Variants in MAGI1 observed in about 807,000 individuals in gnomAD.
The protein encoded by MAGI1 is membrane-associated guanylate kinase, WW and PDZ domain-containing protein 1.
A neutral mutation model predicts 139.9 loss-of-function variants in MAGI1; 58 were observed. That is an observed-to-expected ratio of 0.41 (90% CI 0.34 to 0.52). MAGI1 has a LOEUF of 0.52. Among genes scored for constraint, MAGI1 ranks in the 20% least tolerant of loss-of-function variants. The pLI, the probability that MAGI1 is intolerant of heterozygous loss-of-function variation, is 0.12. For missense variants in MAGI1, 1,874 were observed against 1,901.6 expected (o/e 0.99, Z 0.27); for synonymous variants, 812 against 737.9 (o/e 1.10, Z -1.63).
At chr3:65,976,707 T>C (rs2065284561) in intron 1 of MAGI1, among the ~76,000 whole-genome samples, 1 of 152,212 alleles carries the variant, frequency 6.6e-6, no homozygotes, top group Non-Finnish European at 1.5e-5. Flanking sequence ...GTTCTGGAGT[T>C]AATTACCCTC....
rs184112846 is a variant in MAGI1, at chr3:65,353,637, A to G, written c.*2741T>C. Reference sequence around the variant, plus strand: ...TTAGGGTGTTGAGTCCTCCCCCCCAACATTCTTTCAGGCATCAACTGTGTA... The same window carrying G: ...TTAGGGTGTTGAGTCCTCCCCCCCAGCATTCTTTCAGGCATCAACTGTGTA... On this transcript the variant is annotated 3_prime_UTR_variant, in exon 23 of 23. Transcript: ENST00000402939. 7.5e-4 allele frequency: 114 copies of G among 152,316 alleles called. No individual in the cohort carries two copies. The highest frequency in any genetic ancestry group is 2.7e-3 in the African/African-American group (113 of 41,568). 9.4% of individuals were successfully genotyped at this position (152,316 alleles called of 1,614,324 possible). A position where few individuals can be genotyped will look rare whatever the true frequency, so the allele number is the denominator to read the frequency against.
intron 1 of MAGI1, among the ~76,000 whole-genome samples, chr3:65,674,136 T>C (rs7617880): frequency 0.063 from 9,600 of 152,208 alleles, 1,049 homozygotes; most frequent in African/African-American, 0.22. Flanking sequence ...TGTTCAAGAA[T>C]GCAACAGGAG....
chr3:66,018,792 A>C (rs2067807745), intron 1 of MAGI1, among the ~76,000 whole-genome samples: 1 of 152,120 alleles, frequency 6.6e-6, no homozygotes, highest in Admixed American at 6.6e-5. Context: ...CTTACCTCCC[A>C]TCCTCCTCTT....
intron 18 of MAGI1, among the ~76,000 whole-genome samples, chr3:65,367,179 C>T (rs1941506859): frequency 6.6e-6 from 1 of 152,186 alleles, no homozygotes; most frequent in Non-Finnish European, 1.5e-5. Context: ...AAAAGAATGT[C>T]TCCTTGTAAT....
chr3:65,692,640 C>T (rs902605843), intron 1 of MAGI1, among the ~76,000 whole-genome samples: 2 of 152,160 alleles, frequency 1.3e-5, no homozygotes, highest in African/African-American at 4.8e-5. Context: ...TCTTGTCCCA[C>T]AGTGCAACTG....
intron 10 of MAGI1, among the ~76,000 whole-genome samples, chr3:65,432,581 T>C (rs765842798): frequency 3.9e-5 from 6 of 152,280 alleles, no homozygotes; most frequent in South Asian, 2.1e-4. Flanking sequence ...TATTGGAAGG[T>C]TGACAAACTA....
Position 65,828,769 on chromosome 3 carries a change from G to A in MAGI1, c.314-206681C>T, listed in dbSNP as rs189314349. Among the ~76,000 whole-genome samples the A allele has an allele frequency of 8.4e-4, 128 of 152,274 alleles. 2 individuals are homozygous for A. Among genetic ancestry groups the A allele is most frequent in the Admixed American group, 7.5e-3 (114 of 15,298 alleles). Reference sequence around the variant, plus strand: ...ATTACTCTGGATTACCTAGTCGGGCGGATCTAATCACATGAGTTATTAAAA... The same window carrying A: ...ATTACTCTGGATTACCTAGTCGGGCAGATCTAATCACATGAGTTATTAAAA... On this transcript the variant is annotated intron_variant, in intron 1 of 22. Transcript: ENST00000402939.
chr3:66,004,362 G>A (rs1051827885), intron 1 of MAGI1, among the ~76,000 whole-genome samples: 2 of 152,170 alleles, frequency 1.3e-5, no homozygotes, highest in African/African-American at 2.4e-5. Flanking sequence ...TCTAGAGGTT[G>A]ACACTGGCTG....
chr3:65,878,496 A>G (rs919522151), intron 1 of MAGI1, among the ~76,000 whole-genome samples: 2 of 150,298 alleles, frequency 1.3e-5, no homozygotes, highest in African/African-American at 5.0e-5. Flanking sequence ...AGCCTGGACA[A>G]CAGAGCGAGA....
chr3:65,704,177 T>C (rs1240022179), intron 1 of MAGI1, among the ~76,000 whole-genome samples: 2 of 152,192 alleles, frequency 1.3e-5, no homozygotes, highest in African/African-American at 2.4e-5. Context: ...GCTGGCTATC[T>C]GTTCTGCCTC....
At chr3:65,708,940 A>C (rs1179629405) in intron 1 of MAGI1, among the ~76,000 whole-genome samples, 1 of 152,188 alleles carries the variant, frequency 6.6e-6, no homozygotes, top group Non-Finnish European at 1.5e-5. Context: ...CCCATCTCCC[A>C]ATGCCTCACA....
intron 18 of MAGI1, among the ~76,000 whole-genome samples, chr3:65,366,297 G>T (rs192432218): frequency 6.6e-6 from 1 of 152,284 alleles, no homozygotes; most frequent in African/African-American, 2.4e-5. Flanking sequence ...GTCGAAATAT[G>T]ATTTCAACAG....
intron 1 of MAGI1, among the ~76,000 whole-genome samples, chr3:65,623,989 A>G (rs961016331): frequency 6.6e-6 from 1 of 152,208 alleles, no homozygotes; most frequent in Non-Finnish European, 1.5e-5. Context: ...ACAGTTCACA[A>G]TGGAATATAT....
At chr3:65,503,185 C>T (rs1255008341) in intron 2 of MAGI1, among the ~76,000 whole-genome samples, 1 of 152,114 alleles carries the variant, frequency 6.6e-6, no homozygotes, top group Non-Finnish European at 1.5e-5. Flanking sequence ...AGAATTGATG[C>T]CTCATTGTAA....
chr3:65,411,434 T>C (rs1945784859), intron 12 of MAGI1, among the ~76,000 whole-genome samples: 1 of 152,190 alleles, frequency 6.6e-6, no homozygotes, highest in Non-Finnish European at 1.5e-5. Flanking sequence ...TATGGTGGCC[T>C]GATAGCCCCA....
chr3:65,388,797 T>C (rs1943655281), intron 14 of MAGI1, among the ~76,000 whole-genome samples: 1 of 149,484 alleles, frequency 6.7e-6, no homozygotes, highest in South Asian at 2.1e-4. Flanking sequence ...CCTTAGATGT[T>C]AAAGAAAGTG....
At chr3:65,373,685 C>T (rs1442402748) in intron 18 of MAGI1, among the ~76,000 whole-genome samples, 2 of 152,190 alleles carry the variant, frequency 1.3e-5, no homozygotes, top group Non-Finnish European at 2.9e-5. Context: ...TTCATCCTTC[C>T]TATTAGGAAC....
At chr3:66,001,187 T>A (rs1347588350) in intron 1 of MAGI1, among the ~76,000 whole-genome samples, 2 of 152,028 alleles carry the variant, frequency 1.3e-5, no homozygotes, top group East Asian at 3.9e-4. Context: ...GTATTTGAGC[T>A]CAGTCTTGAA....
At chr3:65,802,036 G>A (rs1332705773) in intron 1 of MAGI1, among the ~76,000 whole-genome samples, 1 of 152,094 alleles carries the variant, frequency 6.6e-6, no homozygotes, top group Non-Finnish European at 1.5e-5. Context: ...AATGCTTGAT[G>A]GTCTGAGGTG....
Sources: allele counts gnomAD v4.1 joint callset (sites outside exome capture counted in the v4.1 genomes callset), GRCh38; gene constraint gnomAD v4.1.1; transcripts MANE v1.5; gene names NCBI Gene and HGNC (gene_info 2026-07-23, HGNC 2026-07-21).